Variants in ATAD2B observed in about 807,000 individuals in gnomAD.
ATAD2B encodes ATPase family AAA domain-containing protein 2B.
A neutral mutation model predicts 167.6 loss-of-function variants in ATAD2B; 40 were observed. The observed-to-expected ratio is 0.24, with a 90% CI of 0.19 to 0.31. The LOEUF is 0.31. Among genes scored for constraint, ATAD2B ranks in the 10% least tolerant of loss-of-function variants. The pLI, the probability that ATAD2B is intolerant of heterozygous loss-of-function variation, is 1.00. For missense variants in ATAD2B, 1,242 were observed against 1,757.2 expected (o/e 0.71, Z 5.24); for synonymous variants, 579 against 596.5 (o/e 0.97, Z 0.43).
At chr2:23,823,701 A>G (rs1476402418) in intron 15 of ATAD2B, 132 bp from the exon 16 acceptor site, 2 of 791,658 alleles carry the variant, frequency 2.5e-6, no homozygotes, top group Non-Finnish European at 3.8e-6. Context: ...CAATTTTACC[A>G]GCAAAATGAA....
At chr2:23,839,616 T>G (rs1313123521) in intron 13 of ATAD2B, among the ~76,000 whole-genome samples, 1 of 152,102 alleles carries the variant, frequency 6.6e-6, no homozygotes, top group South Asian at 2.1e-4. Context: ...ATTATCCTTT[T>G]TATATCTTCC....
chr2:23,877,064 T>C (rs1276780005), intron 7 of ATAD2B, among the ~76,000 whole-genome samples: 3 of 91,286 alleles, frequency 3.3e-5, no homozygotes, highest in African/African-American at 1.1e-4. Flanking sequence ...CGAAACTCCA[T>C]CTCAAAAAAA....
At chr2:23,790,845 G>GA (rs1385193039) in intron 19 of ATAD2B, among the ~76,000 whole-genome samples, 10 of 152,148 alleles carry the variant, frequency 6.6e-5, no homozygotes, top group Admixed American at 2.0e-4. Flanking sequence ...CAATATTTCT[G>GA]AAAAAACAGT....
the ATAD2B span, among the ~76,000 whole-genome samples, chr2:23,709,234 G>GA: frequency 2.0e-5 from 3 of 152,002 alleles, no homozygotes; most frequent in Admixed American, 6.6e-5. Context: ...AGAGACGGTG[G>GA]TTTTTCCATG....
rs983521437 is a variant in ATAD2B at position 23,881,171 on chromosome 2, G to A, written c.785-416C>T. ...GATAATTCAAAAAAATATGCTTATAGGTAATTACTAATGTTACAGCAAGAG... is the reference window on the plus strand; with the variant it reads ...GATAATTCAAAAAAATATGCTTATAAGTAATTACTAATGTTACAGCAAGAG... On this transcript the variant is annotated intron_variant, in intron 6 of 27. Transcript: ENST00000238789. 2.0e-5 allele frequency among the ~76,000 whole-genome samples: 3 copies of A among 152,058 alleles called. No homozygotes were observed. In the South Asian group the frequency reaches 6.2e-4, roughly 31 times the overall value.
At chr2:23,809,548 A>G (rs1290394828) in intron 18 of ATAD2B, among the ~76,000 whole-genome samples, 15 of 152,198 alleles carry the variant, frequency 9.9e-5, no homozygotes, top group Middle Eastern at 3.2e-3. Context: ...TTACTACTCC[A>G]GTTATTTAAC....
At chr2:23,756,061 A>C (rs2149304257) in intron 25 of ATAD2B, among the ~76,000 whole-genome samples, 1 of 152,256 alleles carries the variant, frequency 6.6e-6, no homozygotes, top group Non-Finnish European at 1.5e-5. Context: ...CAGCACGCTT[A>C]TGGAAATCTC....
the ATAD2B span, among the ~76,000 whole-genome samples, chr2:23,734,195 C>T: frequency 6.6e-5 from 10 of 152,158 alleles, no homozygotes; most frequent in Non-Finnish European, 1.2e-4. Context: ...TCTCGCTCGT[C>T]ACCCAGGCTG....
chr2:23,848,413 G>A (rs1465906294), intron 13 of ATAD2B, among the ~76,000 whole-genome samples: 1 of 152,196 alleles, frequency 6.6e-6, no homozygotes, highest in Non-Finnish European at 1.5e-5. Context: ...CCGGGAGGCA[G>A]AGGTTGCAGT....
At chr2:23,821,332 A>C (rs985488448) in intron 16 of ATAD2B, among the ~76,000 whole-genome samples, 2 of 152,220 alleles carry the variant, frequency 1.3e-5, no homozygotes, top group African/African-American at 4.8e-5. Flanking sequence ...TCTAAAGGTG[A>C]CGTAAGTTTT....
intron 19 of ATAD2B, among the ~76,000 whole-genome samples, chr2:23,788,998 G>T (rs1472758505): frequency 6.6e-6 from 1 of 152,052 alleles, no homozygotes; most frequent in Non-Finnish European, 1.5e-5. Context: ...ATCTATAATA[G>T]TACAGCTGGA....
At chr2:23,869,328 A>T (rs2150088115) in intron 9 of ATAD2B, among the ~76,000 whole-genome samples, 1 of 152,334 alleles carries the variant, frequency 6.6e-6, no homozygotes, top group African/African-American at 2.4e-5. Context: ...TACTGTAATC[A>T]TTATAAGTAC....
At chr2:23,787,977 A>C (rs1315866032) in intron 20 of ATAD2B, among the ~76,000 whole-genome samples, 1 of 152,134 alleles carries the variant, frequency 6.6e-6, no homozygotes, top group Admixed American at 6.6e-5. Context: ...AACCCAAGAA[A>C]AATCTAACAC....
At chr2:23,796,329 C>T (rs1335975057) in intron 19 of ATAD2B, among the ~76,000 whole-genome samples, 1 of 152,088 alleles carries the variant, frequency 6.6e-6, no homozygotes, top group Non-Finnish European at 1.5e-5. Flanking sequence ...TAAATAAATA[C>T]TGAAAAAGGT....
chr2:23,760,741 C>T (rs1420571629), intron 24 of ATAD2B, among the ~76,000 whole-genome samples: 1 of 129,916 alleles, frequency 7.7e-6, no homozygotes, highest in Non-Finnish European at 1.7e-5. Context: ...TATACACACA[C>T]ACACACACAT....
intron 13 of ATAD2B, among the ~76,000 whole-genome samples, chr2:23,851,770 C>A (rs1462452193): frequency 6.6e-6 from 1 of 152,002 alleles, no homozygotes; most frequent in Non-Finnish European, 1.5e-5. Context: ...CTACAAATCC[C>A]CCTCAGTCTA....
intron 12 of ATAD2B, among the ~76,000 whole-genome samples, chr2:23,858,489 C>CTTTTTTTTTTTTTTTTTT (rs34177847): frequency 7.4e-6 from 1 of 134,414 alleles, no homozygotes; most frequent in Non-Finnish European, 1.6e-5. Context: ...CTGTCTCATT[C>CTTTTTTTTTTTTTTTTTT]TTTTTTTTTT....
chr2:23,857,826 C>A (rs2149979737), intron 12 of ATAD2B, among the ~76,000 whole-genome samples: 1 of 149,010 alleles, frequency 6.7e-6, no homozygotes, highest in South Asian at 2.1e-4. Context: ...ACTACAAGCT[C>A]CGTCTCCCAG....
chr2:23,910,173 C>CTTTTTT (rs756806271), intron 1 of ATAD2B, among the ~76,000 whole-genome samples: 1 of 106,906 alleles, frequency 9.4e-6, no homozygotes, highest in African/African-American at 3.7e-5. Flanking sequence ...CTTGCATACT[C>CTTTTTT]TTTTTTTTTT....
Sources: gnomAD v4.1 joint callset for allele counts (sites outside exome capture counted in the v4.1 genomes callset) on GRCh38, gnomAD v4.1.1 for gene constraint, MANE v1.5 for transcripts, NCBI Gene and HGNC (gene_info 2026-07-23, HGNC 2026-07-21) for gene names.